Variants in TBC1D22B observed in about 807,000 individuals in gnomAD.
TBC1D22B encodes chromosome 6 open reading frame 197.
TBC1D22B carries 32 observed loss-of-function variants against 69.1 expected under a neutral mutation model. The observed-to-expected ratio is 0.46, with a 90% CI of 0.35 to 0.62. TBC1D22B has a LOEUF of 0.62. Ranked by LOEUF, TBC1D22B falls within the 20% of genes least tolerant of loss-of-function variation. The pLI, the probability that TBC1D22B is intolerant of heterozygous loss-of-function variation, is 0.00. For synonymous variants in TBC1D22B, 206 were observed against 229.8 expected (o/e 0.90, Z 0.94); for missense variants, 462 against 630.9 (o/e 0.73, Z 2.87).
rs1765856629 is a variant in TBC1D22B at position 37,257,861 on chromosome 6, G to A, written c.-57G>A. The A allele has an allele frequency of 6.3e-7, 1 of 1,585,958 alleles. No individual in the cohort carries two copies. The highest frequency in any genetic ancestry group is 1.3e-5 in the African/African-American group (1 of 74,558). ...TGGCCCTCAGATTGCGGGGTCTGGG[G>A]GCATCTCGCCGGGCAAACCCTTGGC... On this transcript the variant is annotated 5_prime_UTR_variant, in exon 1 of 13. Transcript: ENST00000373491.
intron 7 of TBC1D22B, among the ~76,000 whole-genome samples, chr6:37,288,533 T>C (rs1448742201): frequency 6.6e-6 from 1 of 152,096 alleles, no homozygotes; most frequent in African/African-American, 2.4e-5. Context: ...GCCTAGGAGT[T>C]TGAGACCAGT....
At chr6:37,266,361 A>C (rs369061623) in intron 1 of TBC1D22B, among the ~76,000 whole-genome samples, 1 of 152,140 alleles carries the variant, frequency 6.6e-6, no homozygotes, top group Non-Finnish European at 1.5e-5. Context: ...GCATGTATCT[A>C]TTTTAAAGAT....
chr6:37,320,724 G>A (rs1241891112), intron 12 of TBC1D22B, among the ~76,000 whole-genome samples: 6 of 152,182 alleles, frequency 3.9e-5, no homozygotes, highest in East Asian at 1.9e-4. Flanking sequence ...GTCTAGGGCC[G>A]CTGCCTGGCA....
In TBC1D22B at chr6:37,320,535, A is replaced by T. The variant is rs187737063; in HGVS notation, c.1389+3329A>T. Among the ~76,000 whole-genome samples, 224 of 152,262 alleles carry T rather than the reference A, an allele frequency of 1.5e-3. 1 individual carries two copies. The highest frequency in any genetic ancestry group is 5.1e-3 in the African/African-American group (211 of 41,552). On this transcript the variant is annotated intron_variant, in intron 12 of 12. Transcript: ENST00000373491. ...CCTGGAAGCAATGAGGCGAGCTTTA[A>T]AAACCCACTTTTCTAATTAAGTGGT...
Position 37,331,187 on chromosome 6 carries a change from G to C in TBC1D22B, c.*15G>C. ...ACCGCCGATAGGTGCTGTCTCCTCC[G>C]GGGACCCAGACTGCCTTCATCTCTG... On this transcript the variant is annotated 3_prime_UTR_variant, in exon 13 of 13. Transcript: ENST00000373491. 2 of 1,613,364 alleles carry C rather than the reference G, an allele frequency of 1.2e-6. No individual in the cohort carries two copies. The highest frequency in any genetic ancestry group is 1.7e-6 in the Non-Finnish European group (2 of 1,179,548).
At chr6:37,282,585 C>T (rs1470758942) in intron 4 of TBC1D22B, among the ~76,000 whole-genome samples, 2 of 152,216 alleles carry the variant, frequency 1.3e-5, no homozygotes, top group East Asian at 3.8e-4. Context: ...GACCCTAGTG[C>T]AACTATTCTG....
intron 2 of TBC1D22B, among the ~76,000 whole-genome samples, chr6:37,275,193 A>T (rs992504457): frequency 7.2e-5 from 11 of 152,136 alleles, no homozygotes; most frequent in African/African-American, 2.7e-4. Flanking sequence ...AGTTACCTGG[A>T]TTAACTTTTT....
chr6:37,258,115 G>C, intron 1 of TBC1D22B, 142 bp downstream of exon 1: 2 of 940,092 alleles, frequency 2.1e-6, no homozygotes, highest in Non-Finnish European at 3.1e-6. Flanking sequence ...CGGCAGGGCA[G>C]CTGTCAGGCA....
intron 2 of TBC1D22B, among the ~76,000 whole-genome samples, chr6:37,270,003 G>T (rs181053677): frequency 3.7e-3 from 564 of 152,264 alleles, no homozygotes; most frequent in Non-Finnish European, 6.9e-3. Flanking sequence ...GGTTTCTGAG[G>T]CTCACTGCTT....
chr6:37,286,558 G>A (rs1317052594), intron 6 of TBC1D22B, among the ~76,000 whole-genome samples: 5 of 151,598 alleles, frequency 3.3e-5, no homozygotes, highest in African/African-American at 1.2e-4. Flanking sequence ...CTCATGATCC[G>A]CCCGGCTTGG....
chr6:37,295,497 T>C, intron 8 of TBC1D22B: 1 of 290,900 alleles, frequency 3.4e-6, no homozygotes, highest in African/African-American at 2.2e-5. Flanking sequence ...AAGTGCAAGG[T>C]CAGCCAGCTA....
chr6:37,259,280 T>C (rs1765982971), intron 1 of TBC1D22B, among the ~76,000 whole-genome samples: 1 of 152,214 alleles, frequency 6.6e-6, no homozygotes, highest in Non-Finnish European at 1.5e-5. Context: ...TAAAGTGCTG[T>C]GGACTCAACA....
chr6:37,278,836 G>A (rs942521980), intron 2 of TBC1D22B, among the ~76,000 whole-genome samples: 1 of 152,076 alleles, frequency 6.6e-6, no homozygotes, highest in African/African-American at 2.4e-5. Context: ...AAGAGGCTGT[G>A]GTGGGAGGAT....
At chr6:37,264,724 A>G (rs1269533457) in intron 1 of TBC1D22B, among the ~76,000 whole-genome samples, 1 of 152,188 alleles carries the variant, frequency 6.6e-6, no homozygotes, top group East Asian at 1.9e-4. Flanking sequence ...GGGGTATGGA[A>G]AGTTTCATGA....
At chr6:37,298,528 A>G (rs919448327) in intron 8 of TBC1D22B, among the ~76,000 whole-genome samples, 1 of 146,218 alleles carries the variant, frequency 6.8e-6, no homozygotes, top group Non-Finnish European at 1.5e-5. Context: ...AGAACATTTA[A>G]GTTGCCTACA....
At position 37,282,327 on chromosome 6, in the gene TBC1D22B, A is replaced by G. The variant is rs753552175; in HGVS notation, c.564A>G (p.Lys188=). Residue 188 remains lysine (K), a synonymous_variant, in exon 4 of 13, where the codon AAA becomes AAG. Coordinates refer to ENST00000373491, the MANE Select transcript of TBC1D22B (RefSeq NM_017772.4). Reference sequence around the variant, plus strand: ...TCCGGGAGAAAACCCGCCTAGAAAAATTCCGTCAACTTCTCTCCAGCCAGA... The same window carrying G: ...TCCGGGAGAAAACCCGCCTAGAAAAGTTCCGTCAACTTCTCTCCAGCCAGA... ...MTVREKTRLE[K]FRQLLSSQNT... is the part of the protein sequence containing the mutation. The G allele has an allele frequency of 6.2e-7, 1 of 1,612,752 alleles. No individual in the cohort carries two copies. The highest frequency in any genetic ancestry group is 8.5e-7 in the Non-Finnish European group (1 of 1,179,242).
At chr6:37,313,705 A>G (rs1435738441) in intron 9 of TBC1D22B, 111 bp from the exon 10 acceptor site, 1 of 981,626 alleles carries the variant, frequency 1.0e-6, no homozygotes, top group Non-Finnish European at 1.6e-6. Flanking sequence ...GTCACTGGCC[A>G]TTGGTACTAG....
Position 37,298,207 on chromosome 6 carries a change from AT to A in TBC1D22B, c.982+6851del, listed in dbSNP as rs1337666379. Among the ~76,000 whole-genome samples, 222 of 152,302 alleles carry A rather than the reference AT, an allele frequency of 1.5e-3. 1 individual carries two copies. The highest frequency in any genetic ancestry group is 5.1e-3 in the African/African-American group (211 of 41,560). On this transcript the variant is annotated intron_variant, in intron 8 of 12. Transcript: ENST00000373491. ...ACTTAAAGTATAATTTAAAAAAAAA[AT>A]CAAAACAATATAGAAGTGTTAACAA...
chr6:37,274,939 C>T (rs1185436766), intron 2 of TBC1D22B, among the ~76,000 whole-genome samples: 2 of 152,190 alleles, frequency 1.3e-5, no homozygotes, highest in Non-Finnish European at 2.9e-5. Flanking sequence ...GTAATCCCAG[C>T]TACTCAAGAT....
Sources: gnomAD v4.1 joint callset for allele counts (sites outside exome capture counted in the v4.1 genomes callset) on GRCh38, gnomAD v4.1.1 for gene constraint, MANE v1.5 for transcripts, NCBI Gene and HGNC (gene_info 2026-07-23, HGNC 2026-07-21) for gene names.